COX7B2: variants seen among roughly 807,000 people sequenced by gnomAD.
The protein encoded by COX7B2 is cytochrome c oxidase subunit 7B2, mitochondrial.
For missense variants in COX7B2, 109 were observed against 95.9 expected (o/e 1.14, Z -0.57); for synonymous variants, 37 against 32.1 (o/e 1.15, Z -0.51).
intron 2 of COX7B2, among the ~76,000 whole-genome samples, chr4:46,811,766 A>G (rs1560396608): frequency 1.3e-5 from 2 of 152,136 alleles, no homozygotes; most frequent in Non-Finnish European, 2.9e-5. Context: ...CACTTCTTCT[A>G]AACTTTACAG....
intron 1 of COX7B2, among the ~76,000 whole-genome samples, chr4:46,878,444 G>A (rs909374592): frequency 7.9e-5 from 12 of 151,416 alleles, no homozygotes; most frequent in East Asian, 1.9e-4. Context: ...TTGCATGACT[G>A]TAGTAATCAT....
intron 2 of COX7B2, among the ~76,000 whole-genome samples, chr4:46,751,535 A>T (rs964511438): frequency 4.6e-5 from 7 of 152,142 alleles, no homozygotes; most frequent in African/African-American, 1.7e-4. Context: ...AGTGGAGATA[A>T]ATAAAACAGA....
intron 2 of COX7B2, among the ~76,000 whole-genome samples, chr4:46,744,959 T>C (rs1261247283): frequency 6.6e-6 from 1 of 152,088 alleles, no homozygotes; most frequent in African/African-American, 2.4e-5. Context: ...TTTGAATTCC[T>C]GAGCTCAGGC....
intron 2 of COX7B2, among the ~76,000 whole-genome samples, chr4:46,750,803 C>T (rs1342350649): frequency 6.6e-6 from 1 of 152,166 alleles, no homozygotes; most frequent in East Asian, 1.9e-4. Context: ...AGCTTCTCGT[C>T]ATGTCCTCAA....
At chr4:46,749,735 A>T (rs1715236163) in intron 2 of COX7B2, among the ~76,000 whole-genome samples, 1 of 152,198 alleles carries the variant, frequency 6.6e-6, no homozygotes, top group Non-Finnish European at 1.5e-5. Context: ...CACTGATGAG[A>T]TGAATGATAT....
chr4:46,852,335 G>A (rs966220545), intron 1 of COX7B2, among the ~76,000 whole-genome samples: 5 of 151,532 alleles, frequency 3.3e-5, no homozygotes, highest in Admixed American at 1.3e-4. Context: ...TTCTCATTTC[G>A]CACTTTCTTA....
At chr4:46,892,277 G>A (rs1719473321) in intron 1 of COX7B2, among the ~76,000 whole-genome samples, 1 of 152,154 alleles carries the variant, frequency 6.6e-6, no homozygotes. Flanking sequence ...CAACTTTATT[G>A]ATTTTTAAAA....
At chr4:46,812,391 A>G (rs894814986) in intron 2 of COX7B2, among the ~76,000 whole-genome samples, 2 of 151,826 alleles carry the variant, frequency 1.3e-5, no homozygotes, top group East Asian at 1.9e-4. Context: ...AAGAAGTCCT[A>G]CAGAGGCTCA....
At chr4:46,832,889 T>C (rs1412561247) in intron 2 of COX7B2, among the ~76,000 whole-genome samples, 2 of 151,586 alleles carry the variant, frequency 1.3e-5, no homozygotes, top group African/African-American at 4.9e-5. Context: ...ATGTACAGCC[T>C]GCTGAACTGT....
At chr4:46,840,870 C>G (rs1286853574) in intron 2 of COX7B2, among the ~76,000 whole-genome samples, 1 of 151,718 alleles carries the variant, frequency 6.6e-6, no homozygotes, top group Non-Finnish European at 1.5e-5. Context: ...GGAAGGATTA[C>G]AGTAAAAAAT....
At chr4:46,881,087 T>A (rs541051842) in intron 1 of COX7B2, among the ~76,000 whole-genome samples, 41 of 152,252 alleles carry the variant, frequency 2.7e-4, no homozygotes, top group Middle Eastern at 3.4e-3. Context: ...TTTTTGTTAT[T>A]TCTTGTTTGA....
At chr4:46,857,194 A>C (rs1717055915) in intron 1 of COX7B2, among the ~76,000 whole-genome samples, 1 of 152,166 alleles carries the variant, frequency 6.6e-6, no homozygotes, top group African/African-American at 2.4e-5. Flanking sequence ...GTAACTCGAC[A>C]AGTTACTTAA....
intron 2 of COX7B2, among the ~76,000 whole-genome samples, chr4:46,746,335 T>C (rs1216108982): frequency 1.3e-5 from 2 of 152,146 alleles, no homozygotes; most frequent in Non-Finnish European, 2.9e-5. Flanking sequence ...AGAGCCAAAC[T>C]CATATATGTG....
intron 2 of COX7B2, among the ~76,000 whole-genome samples, chr4:46,793,098 G>A (rs879922692): frequency 2.0e-5 from 3 of 152,208 alleles, no homozygotes; most frequent in Non-Finnish European, 4.4e-5. Flanking sequence ...CTGTGGTCAG[G>A]AGAGATTTCT....
At chr4:46,837,942 A>G (rs1017758025) in intron 2 of COX7B2, among the ~76,000 whole-genome samples, 1 of 152,046 alleles carries the variant, frequency 6.6e-6, no homozygotes, top group Non-Finnish European at 1.5e-5. Context: ...TAAGGTCGAA[A>G]TAACCGAAAT....
intron 2 of COX7B2, among the ~76,000 whole-genome samples, chr4:46,747,154 G>T (rs576862035): frequency 1.3e-5 from 2 of 152,024 alleles, no homozygotes; most frequent in Admixed American, 1.3e-4. Context: ...CATCACCCAG[G>T]TATCAAGCCT....
chr4:46,863,792 C>T (rs1448352055), intron 1 of COX7B2, among the ~76,000 whole-genome samples: 1 of 152,068 alleles, frequency 6.6e-6, no homozygotes, highest in African/African-American at 2.4e-5. Context: ...CAATGTTTTC[C>T]TCCAGGATAA....
At chr4:46,816,018 T>C (rs150572027) in intron 2 of COX7B2, among the ~76,000 whole-genome samples, 1 of 152,308 alleles carries the variant, frequency 6.6e-6, no homozygotes, top group East Asian at 1.9e-4. Flanking sequence ...CTATTATGGA[T>C]ATGTAGGCCC....
intron 1 of COX7B2, among the ~76,000 whole-genome samples, chr4:46,899,740 TTGAA>T (rs1441303183): frequency 6.6e-6 from 1 of 152,212 alleles, no homozygotes; most frequent in Non-Finnish European, 1.5e-5. Flanking sequence ...TATTTTCCAT[TTGAA>T]TGATTATTTC....
Sources: gnomAD v4.1 joint callset for allele counts (sites outside exome capture counted in the v4.1 genomes callset) on GRCh38, gnomAD v4.1.1 for gene constraint, MANE v1.5 for transcripts, NCBI Gene and HGNC (gene_info 2026-07-23, HGNC 2026-07-21) for gene names.